Variants in PDE8A observed in about 807,000 individuals in gnomAD.
The protein encoded by PDE8A is high affinity cAMP-specific and IBMX-insensitive 3',5'-cyclic phosphodiesterase 8A.
A neutral mutation model predicts 105.0 loss-of-function variants in PDE8A; 59 were observed. The ratio of observed to expected loss-of-function variants is 0.56; its 90% CI spans 0.46 to 0.70. PDE8A has a LOEUF of 0.70. PDE8A is among the 30% of genes least tolerant of loss of function. The pLI is 0.00. For synonymous variants in PDE8A, 355 were observed against 371.9 expected (o/e 0.95, Z 0.52); for missense variants, 1,014 against 1,045.9 (o/e 0.97, Z 0.42).
intron 1 of PDE8A, among the ~76,000 whole-genome samples, chr15:85,023,825 A>G (rs1196243513): frequency 6.6e-6 from 1 of 152,070 alleles, no homozygotes; most frequent in African/African-American, 2.4e-5. Flanking sequence ...CAGTGTTCCA[A>G]GTGTTCAGGG....
rs182149928 is a variant in PDE8A at position 85,083,515 on chromosome 15, G to A, written c.547-41G>A. The A allele has an allele frequency of 6.8e-6, 8 of 1,179,322 alleles. No homozygotes were observed. In the African/African-American group the frequency reaches 7.5e-5, roughly 11 times the overall value. 73.1% of individuals were successfully genotyped at this position (1,179,322 alleles called of 1,614,324 possible). On this transcript the variant is annotated intron_variant, in intron 5 of 21. Coordinates refer to ENST00000394553, the MANE Select transcript of PDE8A (RefSeq NM_002605.3). ...TATTTTTATTGGCACAAATAAAGAA[G>A]CACTTTTGTTTATCCACAAAATTCC...
Position 85,121,851 on chromosome 15 carries a change from C to T in PDE8A, c.1952+837C>T, listed in dbSNP as rs571223328. On this transcript the variant is annotated intron_variant, in intron 18 of 21. Coordinates refer to ENST00000394553, the MANE Select transcript of PDE8A (RefSeq NM_002605.3). ...TCTCTATAGATTTGCCATTTCTGGA[C>T]ATTTTATGTAAATGGAATCATACAC... Among the ~76,000 whole-genome samples, 14 of 152,312 alleles carry T rather than the reference C, an allele frequency of 9.2e-5. No homozygotes were observed. The South Asian group carries it at 2.9e-3, about 32-fold the overall frequency.
At chr15:85,028,545 TG>T in intron 1 of PDE8A, among the ~76,000 whole-genome samples, 1 of 152,180 alleles carries the variant, frequency 6.6e-6, no homozygotes, top group East Asian at 1.9e-4. Context: ...AAAAAATTTT[TG>T]TGCTGCTAAA....
intron 1 of PDE8A, among the ~76,000 whole-genome samples, chr15:85,049,670 C>T (rs2080941785): frequency 6.6e-6 from 1 of 152,204 alleles, no homozygotes; most frequent in Non-Finnish European, 1.5e-5. Flanking sequence ...GCCTTAGCCT[C>T]CCAAGTACCT....
chr15:85,119,526 A>C (rs1358404854), intron 17 of PDE8A, among the ~76,000 whole-genome samples: 1 of 150,960 alleles, frequency 6.6e-6, no homozygotes, highest in Non-Finnish European at 1.5e-5. Context: ...TTGCGCACTT[A>C]AAATTTAAAT....
intron 8 of PDE8A, among the ~76,000 whole-genome samples, chr15:85,095,447 A>C (rs576385312): frequency 2.0e-4 from 31 of 151,944 alleles, no homozygotes; most frequent in African/African-American, 7.5e-4. Context: ...GGGTTGAAGC[A>C]ATTCTCCTGC....
intron 12 of PDE8A, among the ~76,000 whole-genome samples, chr15:85,111,809 A>G (rs1426957503): frequency 6.6e-6 from 1 of 152,232 alleles, no homozygotes. Context: ...CTTTCAAATC[A>G]TGAACATGCT....
intron 1 of PDE8A, among the ~76,000 whole-genome samples, chr15:85,016,057 A>T (rs2080320114): frequency 6.6e-6 from 1 of 152,074 alleles, no homozygotes; most frequent in African/African-American, 2.4e-5. Context: ...AATCACTTGA[A>T]CCCGGGAAGT....
chr15:85,019,952 T>G (rs1245159510), intron 1 of PDE8A, among the ~76,000 whole-genome samples: 4 of 139,970 alleles, frequency 2.9e-5, no homozygotes, highest in African/African-American at 5.4e-5. Flanking sequence ...GGTTTTTTTT[T>G]TTTTTTTTTT....
At chr15:85,084,579 T>TA (rs1346969676) in intron 6 of PDE8A, among the ~76,000 whole-genome samples, 2 of 152,210 alleles carry the variant, frequency 1.3e-5, no homozygotes. Context: ...ATTAGGCTAC[T>TA]ACCCTCTCTC....
chr15:85,003,045 A>G (rs964351730), intron 1 of PDE8A, among the ~76,000 whole-genome samples: 1 of 150,810 alleles, frequency 6.6e-6, no homozygotes, highest in African/African-American at 2.4e-5. Context: ...TTTTTTTTTC[A>G]GTCAAGTTTC....
At position 85,064,375 on chromosome 15, in the gene PDE8A, A is replaced by G; in HGVS notation, c.192A>G (p.Ala64=). 6.2e-7 allele frequency: 1 copy of G among 1,605,644 alleles called. No homozygotes were observed. Residue 64 remains alanine (A), a synonymous_variant, in exon 2 of 22, where the codon GCA becomes GCG. Coordinates refer to ENST00000394553, the MANE Select transcript of PDE8A (RefSeq NM_002605.3). The stretch of plus-strand genomic sequence containing the variant: ...AGCCAATCTCTTTCTTACAGGTAGC[A>G]GTAGCTGATGTGCAGTTTGGCCCCA... ...ELRDGSGKKV[A]VADVQFGPMR... is the part of the protein sequence containing the mutation.
intron 1 of PDE8A, among the ~76,000 whole-genome samples, chr15:84,985,902 T>C (rs997573607): frequency 6.6e-6 from 1 of 152,166 alleles, no homozygotes; most frequent in Admixed American, 6.5e-5. Flanking sequence ...ATTTCTACCC[T>C]GTTGAGCAGA....
chr15:85,016,214 CAA>C (rs2080322506), intron 1 of PDE8A, among the ~76,000 whole-genome samples: 1 of 152,182 alleles, frequency 6.6e-6, no homozygotes, highest in African/African-American at 2.4e-5. Flanking sequence ...TTAATTCTAA[CAA>C]TATTTCCCCT....
intron 5 of PDE8A, among the ~76,000 whole-genome samples, chr15:85,079,980 G>A (rs971303826): frequency 6.6e-6 from 1 of 152,034 alleles, no homozygotes. Context: ...TAAAAGATAG[G>A]CTGTTAGATT....
chr15:84,995,237 C>T (rs577650187), intron 1 of PDE8A, among the ~76,000 whole-genome samples: 21 of 152,164 alleles, frequency 1.4e-4, no homozygotes, highest in East Asian at 1.2e-3. Context: ...TTCTTGCAAC[C>T]ACCCTTCTGA....
In PDE8A at chr15:85,084,748, C is replaced by T. The variant is rs114957339; in HGVS notation, c.635+1104C>T. Among the ~76,000 whole-genome samples the T allele has an allele frequency of 3.8e-3, 575 of 152,296 alleles. 4 individuals carry two copies. Among genetic ancestry groups the T allele is most frequent in the African/African-American group, 0.011 (442 of 41,566 alleles). On this transcript the variant is annotated intron_variant, in intron 6 of 21. Transcript: ENST00000394553. ...TGCTTTAAACTGAAATCTGCATTTTCGAAACTGCATTCATTCTTTCTTCCA... is the reference window on the plus strand; with the variant it reads ...TGCTTTAAACTGAAATCTGCATTTTTGAAACTGCATTCATTCTTTCTTCCA...
intron 16 of PDE8A, 64 bp downstream of exon 16, chr15:85,116,183 C>G: frequency 1.3e-6 from 2 of 1,538,796 alleles, no homozygotes; most frequent in Non-Finnish European, 1.8e-6. Flanking sequence ...GAGGAGGCTA[C>G]CTGAGGAGTA....
chr15:85,029,060 T>G (rs1596456587), intron 1 of PDE8A, among the ~76,000 whole-genome samples: 1 of 152,194 alleles, frequency 6.6e-6, no homozygotes, highest in African/African-American at 2.4e-5. Context: ...GGAGAGGGCA[T>G]TTAGTATTTC....
Sources: allele counts gnomAD v4.1 joint callset (sites outside exome capture counted in the v4.1 genomes callset), GRCh38; gene constraint gnomAD v4.1.1; transcripts MANE v1.5; gene names NCBI Gene and HGNC (gene_info 2026-07-23, HGNC 2026-07-21).